DNAH7: variants seen among roughly 807,000 people sequenced by gnomAD.
DNAH7 encodes the protein dynein axonemal heavy chain 7.
Under a neutral mutation model 444.6 loss-of-function variants are expected in DNAH7, and 397 were observed. The ratio of observed to expected loss-of-function variants is 0.89; its 90% CI spans 0.82 to 0.97. DNAH7 has a LOEUF of 0.97. DNAH7 is among the 50% of genes least tolerant of loss of function. The probability of loss-of-function intolerance (pLI) is 0.00; values close to 1 mark genes in which losing one functional copy is unlikely to be tolerated. For missense variants in DNAH7, 4,902 were observed against 4,800.8 expected (o/e 1.02, Z -0.62); for synonymous variants, 1,636 against 1,624.4 (o/e 1.01, Z -0.17).
intron 63 of DNAH7, among the ~76,000 whole-genome samples, chr2:195,749,466 C>G (rs1310423215): frequency 1.4e-4 from 21 of 152,070 alleles, no homozygotes; most frequent in African/African-American, 2.9e-4. Flanking sequence ...ATTTGACCCA[C>G]CCATCCCATT....
At chr2:195,928,743 C>CAGTA (rs1559234716) in intron 21 of DNAH7, among the ~76,000 whole-genome samples, 1 of 151,868 alleles carries the variant, frequency 6.6e-6, no homozygotes, top group African/African-American at 2.4e-5. Context: ...CCATATTTAA[C>CAGTA]AGAAACATTA....
At chr2:195,947,941 C>T (rs1574852071) in intron 19 of DNAH7, among the ~76,000 whole-genome samples, 1 of 152,292 alleles carries the variant, frequency 6.6e-6, no homozygotes, top group East Asian at 1.9e-4. Context: ...TCCTTCACAG[C>T]CCCTCCAGCA....
intron 63 of DNAH7, among the ~76,000 whole-genome samples, chr2:195,741,792 T>C (rs928532156): frequency 6.6e-6 from 1 of 152,204 alleles, no homozygotes; most frequent in Non-Finnish European, 1.5e-5. Context: ...TGCTGTCCAG[T>C]AGAACATTTT....
At chr2:195,887,383 C>G (rs1701766436) in intron 33 of DNAH7, among the ~76,000 whole-genome samples, 2 of 152,116 alleles carry the variant, frequency 1.3e-5, no homozygotes, top group Admixed American at 1.3e-4. Flanking sequence ...AGCCAAACTT[C>G]TTGAAAGAGC....
intron 48 of DNAH7, among the ~76,000 whole-genome samples, chr2:195,833,133 T>C (rs562673321): frequency 7.9e-5 from 12 of 152,294 alleles, no homozygotes; most frequent in Middle Eastern, 3.4e-3. Context: ...CACACACACA[T>C]ATATCTGATC....
chr2:196,039,735 G>T (rs987661216), intron 5 of DNAH7, among the ~76,000 whole-genome samples: 6 of 150,642 alleles, frequency 4.0e-5, no homozygotes, highest in Non-Finnish European at 8.8e-5. Context: ...GGAGGTGGAG[G>T]TTGGAGTGAG....
At chr2:195,994,583 C>A (rs1019206622) in intron 12 of DNAH7, 11 of 487,144 alleles carry the variant, frequency 2.3e-5, no homozygotes, top group African/African-American at 1.8e-4. Context: ...GTGTTTCCAT[C>A]TCTTCCGGAC....
intron 45 of DNAH7, among the ~76,000 whole-genome samples, 173 bp downstream of exon 45, chr2:195,855,638 T>C (rs1699649314): frequency 6.6e-6 from 1 of 152,178 alleles, no homozygotes. Flanking sequence ...AAAACCATTA[T>C]TAGCTCTTGG....
intron 61 of DNAH7, among the ~76,000 whole-genome samples, chr2:195,757,651 A>C (rs962166956): frequency 6.6e-6 from 1 of 152,234 alleles, no homozygotes; most frequent in Non-Finnish European, 1.5e-5. Flanking sequence ...AGGGAAAATG[A>C]CAACACAATT....
At chr2:195,969,847 CT>C in intron 17 of DNAH7, 100 bp downstream of exon 17, 2 of 1,165,476 alleles carry the variant, frequency 1.7e-6, no homozygotes, top group Non-Finnish European at 2.4e-6. Context: ...AATGTGGTTA[CT>C]GTTTTATTTG....
chr2:196,015,057 G>A (rs993834851), intron 9 of DNAH7, among the ~76,000 whole-genome samples: 1 of 151,814 alleles, frequency 6.6e-6, no homozygotes. Flanking sequence ...CTACATTCTC[G>A]GGTGCGTCTG....
chr2:195,909,147 G>C (rs959470345), intron 25 of DNAH7, among the ~76,000 whole-genome samples: 1 of 151,926 alleles, frequency 6.6e-6, no homozygotes, highest in Admixed American at 6.6e-5. Context: ...ATGATTATCT[G>C]GGTGACAAAA....
At chr2:196,028,990 C>A (rs1176566828) in intron 5 of DNAH7, among the ~76,000 whole-genome samples, 1 of 152,146 alleles carries the variant, frequency 6.6e-6, no homozygotes, top group Admixed American at 6.5e-5. Flanking sequence ...AGAGTCAAGG[C>A]TTTGGGTAAT....
chr2:195,886,341 T>C, intron 33 of DNAH7, 69 bp from the exon 34 acceptor site: 1 of 1,410,016 alleles, frequency 7.1e-7, no homozygotes. Context: ...CCCCAGCTAA[T>C]ATTTATTAAG....
At chr2:196,045,541 A>G (rs1697067765) in intron 5 of DNAH7, among the ~76,000 whole-genome samples, 1 of 152,094 alleles carries the variant, frequency 6.6e-6, no homozygotes, top group South Asian at 2.1e-4. Context: ...AAATACAGAG[A>G]GAGAGAGAGA....
chr2:195,948,367 A>G (rs940522630), intron 19 of DNAH7, among the ~76,000 whole-genome samples: 2 of 152,228 alleles, frequency 1.3e-5, no homozygotes, highest in South Asian at 4.1e-4. Context: ...GGCTTTGCCC[A>G]TGCCTGTATC....
intron 27 of DNAH7, chr2:195,905,244 A>T (rs1012070423): frequency 1.1e-4 from 16 of 152,176 alleles, no homozygotes; most frequent in African/African-American, 3.9e-4. Flanking sequence ...CCTACCAAAT[A>T]AATGAATAAC....
At position 195,957,425 on chromosome 2, in the gene DNAH7, G is replaced by C. The variant is rs758626649; in HGVS notation, c.2914C>G (p.Leu972Val). Residue 972 changes from leucine to valine, a missense_variant, in exon 19 of 65, where the codon CTG (leucine) becomes GTG (valine). Transcript: ENST00000312428. ...QMREWEGKLL[L>V]LQEILDEWLK... ...CATTCATCCAGAATCTCCTGAAGCA[G>C]TAGGAGCTTGCCCTCCCATTCTCTG... 1 of 1,577,366 alleles carries C rather than the reference G, an allele frequency of 6.3e-7. No homozygotes were observed. Among genetic ancestry groups the C allele is most frequent in the Non-Finnish European group, 8.7e-7 (1 of 1,154,016 alleles).
At chr2:196,033,264 A>T (rs1696174473) in intron 5 of DNAH7, among the ~76,000 whole-genome samples, 1 of 152,202 alleles carries the variant, frequency 6.6e-6, no homozygotes, top group African/African-American at 2.4e-5. Flanking sequence ...AATTAAAGCT[A>T]ATTAACATAT....
Sources: gnomAD v4.1 joint callset for allele counts (sites outside exome capture counted in the v4.1 genomes callset) on GRCh38, gnomAD v4.1.1 for gene constraint, MANE v1.5 for transcripts, NCBI Gene and HGNC (gene_info 2026-07-23, HGNC 2026-07-21) for gene names.